The following MCMDC2 variants were observed in gnomAD, a reference collection of about 807,000 sequenced individuals.
MCMDC2 encodes minichromosome maintenance domain containing 2.
MCMDC2 carries 54 observed loss-of-function variants against 75.8 expected under a neutral mutation model. The observed-to-expected ratio is 0.71, with a 90% CI of 0.57 to 0.89. The LOEUF is 0.89. Ranked by LOEUF, MCMDC2 falls within the 40% of genes least tolerant of loss-of-function variation. MCMDC2 has a pLI of 0.00. For synonymous variants in MCMDC2, 249 were observed against 274.6 expected (o/e 0.91, Z 0.92); for missense variants, 656 against 780.4 (o/e 0.84, Z 1.90).
intron 13 of MCMDC2, chr8:66,901,650 G>T: frequency 7.6e-6 from 8 of 1,058,968 alleles, no homozygotes; most frequent in Non-Finnish European, 9.1e-6. Context: ...TGTGGCTGTT[G>T]GGCGGGCACG....
chr8:66,882,118 CA>C (rs1170412961), intron 8 of MCMDC2, among the ~76,000 whole-genome samples: 3 of 152,186 alleles, frequency 2.0e-5, no homozygotes, highest in African/African-American at 7.2e-5. Context: ...CTATTACCCC[CA>C]GACCCAGGAA....
chr8:66,926,000 T>A (rs1015291694), downstream of MCMDC2, among the ~76,000 whole-genome samples: 2 of 151,832 alleles, frequency 1.3e-5, no homozygotes, highest in African/African-American at 2.4e-5. Context: ...TACAAAAAAA[T>A]TGGCCGATTG....
intron 9 of MCMDC2, among the ~76,000 whole-genome samples, chr8:66,889,654 C>T (rs1270319870): frequency 6.6e-6 from 1 of 151,992 alleles, no homozygotes; most frequent in Non-Finnish European, 1.5e-5. Context: ...AAAAATTGAG[C>T]CAGGCACGGT....
In MCMDC2 at chr8:66,896,927, T is replaced by G; in HGVS notation, c.1594T>G (p.Ser532Ala). 6.2e-7 allele frequency: 1 copy of G among 1,609,078 alleles called. No individual in the cohort carries two copies. The highest frequency in any genetic ancestry group is 8.5e-7 in the Non-Finnish European group (1 of 1,177,832). ...INPEGLFYAA[S>A]RQFTTEDFEK... ...TCCTGAAGGGCTGTTTTATGCGGCT[T>G]CTAGACAGTTCACAACTGAAGATTT... Residue 532 changes from serine (S) to alanine (A), a missense_variant, in exon 12 of 15, where the codon TCT becomes GCT. Physicochemically the swap from Ser to Ala is moderately conservative, Grantham distance 99 (BLOSUM62 1). Coordinates refer to ENST00000422365, the MANE Select transcript of MCMDC2 (RefSeq NM_173518.5).
At chr8:66,893,950 A>G (rs1812228963) in intron 10 of MCMDC2, among the ~76,000 whole-genome samples, 1 of 152,120 alleles carries the variant, frequency 6.6e-6, no homozygotes, top group African/African-American at 2.4e-5. Flanking sequence ...TGCTGTCATC[A>G]TATTCAATTT....
intron 14 of MCMDC2, among the ~76,000 whole-genome samples, chr8:66,907,460 A>G (rs1294529444): frequency 3.9e-5 from 6 of 152,170 alleles, no homozygotes; most frequent in African/African-American, 1.4e-4. Flanking sequence ...CATTTTCTTT[A>G]TCCAGTCTAT....
intron 14 of MCMDC2, among the ~76,000 whole-genome samples, chr8:66,913,322 G>T (rs553746591): frequency 2.0e-5 from 3 of 152,136 alleles, no homozygotes; most frequent in Admixed American, 2.0e-4. Context: ...AATAATTGAC[G>T]TGGCTTGCTT....
chr8:66,883,653 T>C, intron 8 of MCMDC2, 104 bp from the exon 9 acceptor site: 1 of 669,490 alleles, frequency 1.5e-6, no homozygotes, highest in Non-Finnish European at 2.5e-6. Flanking sequence ...ATGGTATTAT[T>C]GGAACTATAA....
chr8:66,878,855 T>G lies in MCMDC2; in HGVS notation c.645T>G (p.Arg215=). ...AAATAATTGCCACAAAGGCACTTCG[T>G]GCTTTTCAAGGATATTCTAACAACC... ...IVEIIATKAL[R]AFQGYSNNQP... Residue 215 remains arginine, a synonymous_variant, in exon 7 of 15, where the codon CGT becomes CGG. Coordinates refer to ENST00000422365, the MANE Select transcript of MCMDC2 (RefSeq NM_173518.5). 6.2e-7 allele frequency: 1 copy of G among 1,610,388 alleles called. No homozygotes were observed. Among genetic ancestry groups the G allele is most frequent in the Non-Finnish European group, 8.5e-7 (1 of 1,178,960 alleles).
chr8:66,873,206 T>C (rs1811109199), intron 1 of MCMDC2, among the ~76,000 whole-genome samples: 1 of 152,202 alleles, frequency 6.6e-6, no homozygotes, highest in Non-Finnish European at 1.5e-5. Flanking sequence ...ATTACTGTGG[T>C]TTAATGTTTT....
Position 66,874,348 on chromosome 8 carries a change from C to CT in MCMDC2, c.118dup (p.Tyr40LeufsTer11). The CT allele has an allele frequency of 6.2e-7, 1 of 1,612,716 alleles. No individual in the cohort carries two copies. Among genetic ancestry groups the CT allele is most frequent in the African/African-American group, 1.3e-5 (1 of 74,984 alleles). On this transcript the variant is annotated frameshift_variant, in exon 3 of 15. Transcript: ENST00000422365. LOFTEE classifies it high-confidence loss of function. ...TAGATTCAAAACAAAGCTATGCTGT[C>CT]TATCGATTCAAAATTTTAATAAATC...
chr8:66,924,289 GAA>G (rs934727375), downstream of MCMDC2, among the ~76,000 whole-genome samples: 1 of 144,772 alleles, frequency 6.9e-6, no homozygotes, highest in Non-Finnish European at 1.5e-5. Context: ...CAAATTTGAA[GAA>G]AAAAAAAAAC....
chr8:66,900,295 A>G (rs1179312590), intron 12 of MCMDC2, among the ~76,000 whole-genome samples: 2 of 150,488 alleles, frequency 1.3e-5, no homozygotes, highest in African/African-American at 2.5e-5. Flanking sequence ...AAAATTAGCT[A>G]GGCGTGGTGG....
downstream of MCMDC2, among the ~76,000 whole-genome samples, chr8:66,924,093 T>G (rs1161897270): frequency 6.6e-6 from 1 of 152,132 alleles, no homozygotes; most frequent in Non-Finnish European, 1.5e-5. Context: ...TTCAGAACTT[T>G]CCTGCACTAC....
At chr8:66,917,888 A>C (rs1472552617) in intron 14 of MCMDC2, among the ~76,000 whole-genome samples, 1 of 152,202 alleles carries the variant, frequency 6.6e-6, no homozygotes, top group African/African-American at 2.4e-5. Context: ...ATATCTCTTT[A>C]AGATCCTGCT....
intron 9 of MCMDC2, 28 bp from the exon 10 acceptor site, chr8:66,890,837 T>C: frequency 6.4e-7 from 1 of 1,553,722 alleles, no homozygotes; most frequent in Non-Finnish European, 8.8e-7. Flanking sequence ...TAAATAATAG[T>C]AATGAAAAGT....
At chr8:66,898,214 A>T (rs1585888721) in intron 12 of MCMDC2, among the ~76,000 whole-genome samples, 1 of 152,316 alleles carries the variant, frequency 6.6e-6, no homozygotes, top group African/African-American at 2.4e-5. Context: ...AACAATCTAG[A>T]TTTATTAATT....
rs142450719 is a variant in MCMDC2, at chr8:66,901,288, G to A, written c.1709G>A (p.Arg570His). ...RMTHGYYLAS[R>H]RIRTGSVCGS... ...ACCCATGGCTATTATCTAGCAAGTC[G>A]CAGAATCAGAACAGGCTCTGTATGT... The change falls in exon 13 of 15, where the codon CGC (arginine) becomes CAC (histidine). Residue 570 changes from arginine to histidine, a missense_variant. Arg to His is a conservative substitution (Grantham distance 29). Coordinates refer to ENST00000422365, the MANE Select transcript of MCMDC2 (RefSeq NM_173518.5). 53 of 1,613,884 alleles carry A rather than the reference G, an allele frequency of 3.3e-5. No homozygotes were observed. Among genetic ancestry groups the A allele is most frequent in the Middle Eastern group, 1.6e-4 (1 of 6,082 alleles).
At chr8:66,871,799 C>T (rs903915015) in intron 1 of MCMDC2, among the ~76,000 whole-genome samples, 4 of 151,678 alleles carry the variant, frequency 2.6e-5, no homozygotes, top group African/African-American at 9.7e-5. Context: ...TAGTCCCAGG[C>T]TGAGAAGGGA....
Sources: allele counts gnomAD v4.1 joint callset (sites outside exome capture counted in the v4.1 genomes callset), GRCh38; gene constraint gnomAD v4.1.1; transcripts MANE v1.5; gene names NCBI Gene and HGNC (gene_info 2026-07-23, HGNC 2026-07-21).